The following AKT3 variants were observed in gnomAD, a reference collection of about 807,000 sequenced individuals.
The protein encoded by AKT3 is AKT serine/threonine kinase 3.
A neutral mutation model predicts 65.3 loss-of-function variants in AKT3; 15 were observed. That is an observed-to-expected ratio of 0.23 (90% CI 0.15 to 0.35). The LOEUF (loss-of-function observed/expected upper bound fraction) is 0.35, where lower values mean the gene tolerates loss of function less well. Among genes scored for constraint, AKT3 ranks in the 10% least tolerant of loss-of-function variants. The pLI, the probability that AKT3 is intolerant of heterozygous loss-of-function variation, is 1.00. For missense variants in AKT3, 243 were observed against 576.5 expected, an observed-to-expected ratio of 0.42 and a Z score of 5.92; for synonymous variants, 206 against 183.8, an observed-to-expected ratio of 1.12 and a Z score of -0.98.
chr1:243,633,009 T>C (rs1208818995), intron 6 of AKT3, among the ~76,000 whole-genome samples: 2 of 152,210 alleles, frequency 1.3e-5, no homozygotes, highest in African/African-American at 4.8e-5. Context: ...TGAGTCTGTT[T>C]TGCTTGCTTA....
chr1:243,657,815 G>C (rs927844500), intron 4 of AKT3, among the ~76,000 whole-genome samples: 3 of 152,058 alleles, frequency 2.0e-5, no homozygotes, highest in African/African-American at 7.2e-5. Flanking sequence ...ACAGAACAGA[G>C]AGCCCAGGTA....
intron 2 of AKT3, among the ~76,000 whole-genome samples, chr1:243,745,020 A>G (rs565474051): frequency 6.6e-5 from 10 of 152,184 alleles, no homozygotes; most frequent in Non-Finnish European, 1.5e-4. Flanking sequence ...ATCTTACTGA[A>G]GCTCTCAGTT....
chr1:243,664,957 A>T, intron 3 of AKT3, 74 bp from the exon 4 acceptor site: 1 of 812,792 alleles, frequency 1.2e-6, no homozygotes, highest in Non-Finnish European at 1.8e-6. Flanking sequence ...AGAACTACAG[A>T]GTTCTATTTT....
At chr1:243,488,904 G>T in intron 13 of AKT3, 1 of 1,525,032 alleles carries the variant, frequency 6.6e-7, no homozygotes, top group Non-Finnish European at 9.0e-7. Flanking sequence ...CACCCTAGGC[G>T]TCCTGCTCAT....
chr1:243,696,947 T>C (rs1418339005), intron 2 of AKT3, among the ~76,000 whole-genome samples: 1 of 152,034 alleles, frequency 6.6e-6, no homozygotes, highest in Non-Finnish European at 1.5e-5. Flanking sequence ...TACCATAAAA[T>C]GTAATCCAAA....
rs552248648 is a variant in AKT3 at position 243,635,625 on chromosome 1, C to T, written c.561+1986G>A. On this transcript the variant is annotated intron_variant, in intron 6 of 13. Transcript: ENST00000673466. Reference sequence around the variant, plus strand: ...ACTGATATGGGTGTTAAAATTAGTACCTAAAAGTTTAAGAAAAAATAGGTT... The same window carrying T: ...ACTGATATGGGTGTTAAAATTAGTATCTAAAAGTTTAAGAAAAAATAGGTT... 3.3e-5 allele frequency among the ~76,000 whole-genome samples: 5 copies of T among 151,790 alleles called. No individual in the cohort carries two copies. In the South Asian group the frequency reaches 1.0e-3, roughly 32 times the overall value.
At chr1:243,562,865 C>T (rs547980753) in intron 10 of AKT3, among the ~76,000 whole-genome samples, 50 of 152,208 alleles carry the variant, frequency 3.3e-4, no homozygotes, top group African/African-American at 1.1e-3. Context: ...CCTTGCTGTG[C>T]CCATTTGCAT....
At chr1:243,840,693 G>T (rs2148471773) in intron 2 of AKT3, among the ~76,000 whole-genome samples, 1 of 147,332 alleles carries the variant, frequency 6.8e-6, no homozygotes. Flanking sequence ...GAATTCAAGG[G>T]AAAGATGAGG....
intron 5 of AKT3, among the ~76,000 whole-genome samples, chr1:243,643,231 G>T (rs1390775197): frequency 6.6e-6 from 1 of 152,136 alleles, no homozygotes; most frequent in African/African-American, 2.4e-5. Context: ...ACTACAGCCA[G>T]GAATTAGGTG....
At chr1:243,678,457 T>C (rs1454047714) in intron 3 of AKT3, among the ~76,000 whole-genome samples, 1 of 152,196 alleles carries the variant, frequency 6.6e-6, no homozygotes, top group Non-Finnish European at 1.5e-5. Flanking sequence ...TCTGCCAATT[T>C]AAATCAGTAG....
At chr1:243,660,589 C>A (rs575350595) in intron 4 of AKT3, among the ~76,000 whole-genome samples, 11 of 152,220 alleles carry the variant, frequency 7.2e-5, no homozygotes, top group African/African-American at 2.6e-4. Context: ...CTATAACAAA[C>A]CCACAGCCAA....
chr1:243,539,113 C>T lies in AKT3; in HGVS notation c.1251+6397G>A, dbSNP rs1469990907. On this transcript the variant is annotated intron_variant, in intron 12 of 13. Coordinates refer to ENST00000673466, the MANE Select transcript of AKT3 (RefSeq NM_005465.7). ...CAATTTATGCAATAAAAGCAGAATA[C>T]AGTTGACCCTTGAACAACATGAGAT... Among the ~76,000 whole-genome samples, 3 of 152,106 alleles carry T rather than the reference C, an allele frequency of 2.0e-5. No homozygotes were observed. In the South Asian group the frequency reaches 6.2e-4, roughly 32 times the overall value.
chr1:243,724,345 A>G (rs972985794), intron 2 of AKT3, among the ~76,000 whole-genome samples: 4 of 152,174 alleles, frequency 2.6e-5, no homozygotes, highest in African/African-American at 9.7e-5. Flanking sequence ...TCAGTCAGTA[A>G]TATCTCTATT....
At chr1:243,737,186 A>G (rs1158640722) in intron 2 of AKT3, among the ~76,000 whole-genome samples, 1 of 152,158 alleles carries the variant, frequency 6.6e-6, no homozygotes, top group Non-Finnish European at 1.5e-5. Context: ...TCTTGGCTCT[A>G]TCATACACAA....
intron 2 of AKT3, among the ~76,000 whole-genome samples, chr1:243,757,144 C>T (rs899922798): frequency 6.6e-6 from 1 of 152,114 alleles, no homozygotes; most frequent in South Asian, 2.1e-4. Flanking sequence ...AAGACATTAT[C>T]GAAAGAATTG....
chr1:243,810,831 G>A (rs1367836002), intron 2 of AKT3, among the ~76,000 whole-genome samples: 3 of 152,178 alleles, frequency 2.0e-5, no homozygotes, highest in Non-Finnish European at 2.9e-5. Context: ...TATCCACCAT[G>A]ATCAAGTGGG....
At chr1:243,511,845 T>G (rs1279436655) in intron 13 of AKT3, among the ~76,000 whole-genome samples, 2 of 152,226 alleles carry the variant, frequency 1.3e-5, no homozygotes, top group African/African-American at 4.8e-5. Context: ...GCAAACTAAA[T>G]TATGTCTTCA....
At chr1:243,545,846 T>C (rs1167758777) in intron 11 of AKT3, among the ~76,000 whole-genome samples, 2 of 152,242 alleles carry the variant, frequency 1.3e-5, no homozygotes, top group African/African-American at 4.8e-5. Flanking sequence ...GAGGCAATCA[T>C]GTCTGGCACT....
chr1:243,549,787 C>A (rs1443670471), intron 11 of AKT3, among the ~76,000 whole-genome samples: 7 of 152,154 alleles, frequency 4.6e-5, no homozygotes, highest in Admixed American at 4.6e-4. Context: ...CTGTCCATGA[C>A]AAAGCTGCCA....
Sources: allele counts gnomAD v4.1 joint callset (sites outside exome capture counted in the v4.1 genomes callset), GRCh38; gene constraint gnomAD v4.1.1; transcripts MANE v1.5; gene names NCBI Gene and HGNC (gene_info 2026-07-23, HGNC 2026-07-21).